THADA: variants seen among roughly 807,000 people sequenced by gnomAD.
THADA encodes the protein THADA armadillo repeat containing.
THADA carries 213 observed loss-of-function variants against 219.8 expected under a neutral mutation model. The observed-to-expected ratio is 0.97, with a 90% CI of 0.87 to 1.09. THADA has a LOEUF of 1.09. THADA is among the 50% of genes least tolerant of loss of function. The pLI is 0.00. For missense variants in THADA, 2,956 were observed against 2,311.3 expected (o/e 1.28, Z -5.72); for synonymous variants, 1,018 against 828.9 (o/e 1.23, Z -3.92).
intron 22 of THADA, among the ~76,000 whole-genome samples, chr2:43,512,401 A>C (rs1243675218): frequency 6.6e-6 from 1 of 152,178 alleles, no homozygotes; most frequent in Admixed American, 6.5e-5. Flanking sequence ...CATACAAGGG[A>C]ATTTGGTCCA....
At chr2:43,520,711 T>TACAC (rs535751557) in intron 22 of THADA, among the ~76,000 whole-genome samples, 40 of 131,446 alleles carry the variant, frequency 3.0e-4, no homozygotes, top group African/African-American at 8.8e-4. Context: ...CGTATATATA[T>TACAC]ATACACACAC....
At chr2:43,307,606 T>A in intron 31 of THADA, among the ~76,000 whole-genome samples, 1 of 152,214 alleles carries the variant, frequency 6.6e-6, no homozygotes, top group East Asian at 1.9e-4. Context: ...TTAGAGGAGC[T>A]ACATTTGCCC....
chr2:43,398,319 G>C (rs1674357487), intron 28 of THADA, among the ~76,000 whole-genome samples, 180 bp from the exon 29 acceptor site: 1 of 152,122 alleles, frequency 6.6e-6, no homozygotes, highest in Admixed American at 6.5e-5. Flanking sequence ...ACTTTGCTTT[G>C]GTTAAAAACA....
intron 20 of THADA, among the ~76,000 whole-genome samples, chr2:43,542,247 T>C (rs186744109): frequency 1.4e-3 from 220 of 152,246 alleles, no homozygotes; most frequent in African/African-American, 5.0e-3. Flanking sequence ...TAAGTGTACA[T>C]ACACATAAAC....
intron 20 of THADA, among the ~76,000 whole-genome samples, chr2:43,546,338 T>C (rs1479301111): frequency 6.6e-6 from 1 of 152,166 alleles, no homozygotes; most frequent in African/African-American, 2.4e-5. Flanking sequence ...GAAAAAAATG[T>C]ATATTCTGTT....
chr2:43,401,424 G>A (rs1209809963), intron 28 of THADA, among the ~76,000 whole-genome samples: 3 of 152,040 alleles, frequency 2.0e-5, no homozygotes, highest in Admixed American at 6.5e-5. Flanking sequence ...GATTACAGGC[G>A]CCTGCCACCA....
At chr2:43,474,819 G>A (rs62138766) in intron 26 of THADA, among the ~76,000 whole-genome samples, 4 of 152,130 alleles carry the variant, frequency 2.6e-5, no homozygotes, top group African/African-American at 7.2e-5. Flanking sequence ...TGTGTTTATA[G>A]AGTGGAAAAT....
intron 28 of THADA, among the ~76,000 whole-genome samples, chr2:43,404,964 C>T (rs1157196882): frequency 6.6e-6 from 1 of 152,182 alleles, no homozygotes; most frequent in Non-Finnish European, 1.5e-5. Context: ...AACCTTTATA[C>T]ACATTTACAA....
intron 36 of THADA, among the ~76,000 whole-genome samples, chr2:43,241,500 A>G (rs1668615886): frequency 1.3e-5 from 2 of 149,020 alleles, no homozygotes; most frequent in Non-Finnish European, 3.0e-5. Context: ...GCTAAACTGT[A>G]CTAAACAGTC....
intron 12 of THADA, among the ~76,000 whole-genome samples, chr2:43,572,209 C>A (rs1033360218): frequency 7.9e-5 from 12 of 152,148 alleles, no homozygotes; most frequent in African/African-American, 2.9e-4. Flanking sequence ...TTCCTGGTTT[C>A]TTTCTGCTCC....
At position 43,361,885 on chromosome 2, in the gene THADA, G is replaced by T. The variant is rs191906124; in HGVS notation, c.4228-17648C>A. ...CAGTGTCTTAGAAAAAAATAATCTG[G>T]TGACCCTTGAAGGTATTAACTCTAT... is the stretch of plus-strand genomic sequence containing the variant. On this transcript the variant is annotated intron_variant, in intron 29 of 37. Transcript: ENST00000405975. Among the ~76,000 whole-genome samples the T allele has an allele frequency of 1.2e-3, 180 of 152,244 alleles. 1 individual carries two copies. The highest frequency in any genetic ancestry group is 4.3e-3 in the African/African-American group (177 of 41,534).
At chr2:43,584,570 C>T (rs1198324622) in intron 7 of THADA, among the ~76,000 whole-genome samples, 1 of 152,220 alleles carries the variant, frequency 6.6e-6, no homozygotes, top group Admixed American at 6.5e-5. Flanking sequence ...CTCAAACCAA[C>T]AGCCATGGGA....
chr2:43,516,282 A>T (rs1691713171), intron 22 of THADA, among the ~76,000 whole-genome samples: 1 of 152,132 alleles, frequency 6.6e-6, no homozygotes, highest in South Asian at 2.1e-4. Context: ...CAAACACTCC[A>T]ATGGCTCCCC....
chr2:43,306,249 C>A (rs1259570460), intron 31 of THADA, among the ~76,000 whole-genome samples: 1 of 152,076 alleles, frequency 6.6e-6, no homozygotes, highest in Non-Finnish European at 1.5e-5. Flanking sequence ...TGGGCTCAAG[C>A]AATTTACCTG....
chr2:43,268,577 G>A (rs909862677), intron 36 of THADA, among the ~76,000 whole-genome samples: 1 of 152,252 alleles, frequency 6.6e-6, no homozygotes, highest in Non-Finnish European at 1.5e-5. Flanking sequence ...GGAGATTTGA[G>A]AACAGAATTG....
intron 25 of THADA, among the ~76,000 whole-genome samples, chr2:43,498,358 T>TA (rs1558859436): frequency 6.6e-6 from 1 of 152,042 alleles, no homozygotes; most frequent in Non-Finnish European, 1.5e-5. Context: ...TGTATATACT[T>TA]AAAAAAACGG....
At chr2:43,358,774 T>C (rs1669154915) in intron 29 of THADA, among the ~76,000 whole-genome samples, 1 of 152,208 alleles carries the variant, frequency 6.6e-6, no homozygotes, top group African/African-American at 2.4e-5. Context: ...AGGAGTTTGC[T>C]GGCTTCCAAT....
At chr2:43,328,265 A>G (rs761482737) in intron 30 of THADA, among the ~76,000 whole-genome samples, 6 of 152,212 alleles carry the variant, frequency 3.9e-5, no homozygotes, top group Non-Finnish European at 8.8e-5. Context: ...TGGAGAGTTT[A>G]GCTGTGCATG....
chr2:43,529,627 T>C (rs1693613950), intron 21 of THADA, among the ~76,000 whole-genome samples: 1 of 152,218 alleles, frequency 6.6e-6, no homozygotes, highest in Non-Finnish European at 1.5e-5. Flanking sequence ...GTAACTATTG[T>C]CTTTTAAAAA....
Sources: allele counts gnomAD v4.1 joint callset (sites outside exome capture counted in the v4.1 genomes callset), GRCh38; gene constraint gnomAD v4.1.1; transcripts MANE v1.5; gene names NCBI Gene and HGNC (gene_info 2026-07-23, HGNC 2026-07-21).